The following ENTREP2 variants were observed in gnomAD, a reference collection of about 807,000 sequenced individuals.
The protein encoded by ENTREP2 is protein ENTREP2.
chr15:29,450,468 C>A, the ENTREP2 span, among the ~76,000 whole-genome samples: 1 of 152,148 alleles, frequency 6.6e-6, no homozygotes, highest in Non-Finnish European at 1.5e-5. Context: ...TATCCCGGCA[C>A]CATTTATTGA....
chr15:29,548,543 AAT>A, the ENTREP2 span, among the ~76,000 whole-genome samples: 1 of 152,118 alleles, frequency 6.6e-6, no homozygotes, highest in Non-Finnish European at 1.5e-5. Flanking sequence ...AATATACTGA[AAT>A]ATACTGAAAA....
At chr15:29,568,892 T>G in the ENTREP2 span, among the ~76,000 whole-genome samples, 1 of 152,304 alleles carries the variant, frequency 6.6e-6, no homozygotes, top group Admixed American at 6.5e-5. Flanking sequence ...TGTTTTCCCC[T>G]TTAGGTTTAT....
chr15:29,132,310 G>A, the ENTREP2 span, among the ~76,000 whole-genome samples: 1 of 152,180 alleles, frequency 6.6e-6, no homozygotes, highest in Non-Finnish European at 1.5e-5. Context: ...CTCTGTGGAC[G>A]GTAATGGGTT....
the ENTREP2 span, among the ~76,000 whole-genome samples, chr15:29,508,438 CACA>C: frequency 7.2e-5 from 11 of 152,268 alleles, no homozygotes; most frequent in Non-Finnish European, 1.3e-4. Flanking sequence ...CTGGCAGAGA[CACA>C]ACAAGAAAAG....
the ENTREP2 span, among the ~76,000 whole-genome samples, chr15:29,509,686 A>G: frequency 1.3e-5 from 2 of 152,198 alleles, no homozygotes. Flanking sequence ...GGTGTTGGGA[A>G]AACTGGCTAG....
At chr15:29,183,971 G>A in the ENTREP2 span, among the ~76,000 whole-genome samples, 4 of 152,260 alleles carry the variant, frequency 2.6e-5, no homozygotes, top group South Asian at 4.1e-4. Context: ...TTTTCTGCAC[G>A]TTGAACTAGC....
At chr15:29,202,422 T>C in the ENTREP2 span, among the ~76,000 whole-genome samples, 2 of 152,312 alleles carry the variant, frequency 1.3e-5, no homozygotes, top group African/African-American at 4.8e-5. Flanking sequence ...AATGTTTACA[T>C]TGCAGAATGA....
the ENTREP2 span, among the ~76,000 whole-genome samples, chr15:29,473,634 G>T: frequency 4.6e-5 from 7 of 152,214 alleles, no homozygotes; most frequent in Admixed American, 2.0e-4. Context: ...TCAGTGCTCA[G>T]GGTGAACAGA....
the ENTREP2 span, among the ~76,000 whole-genome samples, chr15:29,308,362 ACT>A: frequency 1.5e-5 from 2 of 134,278 alleles, no homozygotes; most frequent in African/African-American, 3.4e-5. Context: ...GCTGACAGAG[ACT>A]CTGTCTGAAA....
the ENTREP2 span, among the ~76,000 whole-genome samples, chr15:29,274,461 T>C: frequency 1.3e-5 from 2 of 152,042 alleles, no homozygotes; most frequent in Non-Finnish European, 1.5e-5. Flanking sequence ...AGTAAGGGCT[T>C]TGGGATCAGA....
the ENTREP2 span, among the ~76,000 whole-genome samples, chr15:29,600,902 C>CTTTTT: frequency 5.7e-5 from 7 of 123,624 alleles, no homozygotes; most frequent in Admixed American, 8.6e-5. Context: ...ATTTTTCTTT[C>CTTTTT]TTTTTTTTTT....
At chr15:29,119,483 A>AGAT in the ENTREP2 span, among the ~76,000 whole-genome samples, 3 of 28,520 alleles carry the variant, frequency 1.1e-4, no homozygotes, top group African/African-American at 2.0e-4. Flanking sequence ...TAGCATTGGG[A>AGAT]GATATACCTA....
the ENTREP2 span, chr15:29,121,615 A>T: frequency 1.3e-5 from 2 of 152,254 alleles, no homozygotes; most frequent in Admixed American, 6.5e-5. Flanking sequence ...GAGGGAATTC[A>T]AAAGCCCCCA....
chr15:29,552,790 G>A, the ENTREP2 span, among the ~76,000 whole-genome samples: 2 of 152,096 alleles, frequency 1.3e-5, no homozygotes, highest in East Asian at 1.9e-4. Context: ...CAAGTTGACT[G>A]TTTGCAGAAT....
At chr15:29,231,885 C>CTTTTTTTTTTTTTTTTT in the ENTREP2 span, among the ~76,000 whole-genome samples, 9 of 129,982 alleles carry the variant, frequency 6.9e-5, 2 homozygotes, top group East Asian at 5.0e-4. Context: ...GTTTTCTTTT[C>CTTTTTTTTTTTTTTTTT]TTTTCTTTCT....
chr15:29,123,608 G>A, the ENTREP2 span: 6 of 1,551,460 alleles, frequency 3.9e-6, no homozygotes, highest in East Asian at 1.5e-4. Flanking sequence ...TCCCCCGCTG[G>A]TGAAAGCTGG....
At chr15:29,622,112 C>A in the ENTREP2 span, among the ~76,000 whole-genome samples, 1 of 152,076 alleles carries the variant, frequency 6.6e-6, no homozygotes, top group Non-Finnish European at 1.5e-5. Flanking sequence ...TGAAAAGAGT[C>A]CTGGAGATAG....
chr15:29,318,486 A>G, the ENTREP2 span, among the ~76,000 whole-genome samples: 11 of 152,074 alleles, frequency 7.2e-5, no homozygotes, highest in East Asian at 2.1e-3. Context: ...ACACCTGGCT[A>G]ATTTTTTGTA....
chr15:29,421,706 C>G, the ENTREP2 span, among the ~76,000 whole-genome samples: 2 of 152,024 alleles, frequency 1.3e-5, no homozygotes, highest in African/African-American at 4.8e-5. Context: ...TACAGGAAAA[C>G]AGCTGATCAT....
Sources: allele counts gnomAD v4.1 joint callset (sites outside exome capture counted in the v4.1 genomes callset), GRCh38; gene constraint gnomAD v4.1.1; transcripts MANE v1.5; gene names NCBI Gene and HGNC (gene_info 2026-07-23, HGNC 2026-07-21).